PDE11A: variants seen among roughly 807,000 people sequenced by gnomAD.
PDE11A encodes the protein dual 3',5'-cyclic-AMP and -GMP phosphodiesterase 11A.
In PDE11A, 100 loss-of-function variants were observed where a neutral mutation model predicts 100.5. That is an observed-to-expected ratio of 1.00 (90% CI 0.85 to 1.18). The LOEUF is 1.18. Among genes scored for constraint, PDE11A ranks in the 50% most tolerant of loss-of-function variants. The pLI is 0.00. For missense variants in PDE11A, 1,141 were observed against 1,152.6 expected (o/e 0.99, Z 0.15); for synonymous variants, 381 against 420.8 (o/e 0.91, Z 1.16).
chr2:177,912,289 C>T (rs2084891670), intron 2 of PDE11A, among the ~76,000 whole-genome samples: 1 of 152,014 alleles, frequency 6.6e-6, no homozygotes, highest in African/African-American at 2.4e-5. Context: ...AAGCTGGGAC[C>T]CCAGGGAGGT....
chr2:177,704,205 T>C (rs552766487), intron 13 of PDE11A, among the ~76,000 whole-genome samples: 6 of 152,284 alleles, frequency 3.9e-5, no homozygotes, highest in African/African-American at 1.4e-4. Context: ...GTTCTGACCT[T>C]CAGGAAGCTC....
intron 2 of PDE11A, among the ~76,000 whole-genome samples, chr2:178,098,622 G>C (rs1014765360): frequency 1.3e-5 from 2 of 152,096 alleles, no homozygotes; most frequent in Non-Finnish European, 2.9e-5. Flanking sequence ...TATCAAAATT[G>C]TCAAAAAGAA....
intron 10 of PDE11A, among the ~76,000 whole-genome samples, chr2:177,767,689 T>C (rs2082258756): frequency 6.6e-6 from 1 of 152,110 alleles, no homozygotes; most frequent in South Asian, 2.1e-4. Flanking sequence ...TTATCACCGT[T>C]TTAAAATTTT....
chr2:177,677,489 G>T (rs2080794194), intron 16 of PDE11A, among the ~76,000 whole-genome samples: 1 of 152,144 alleles, frequency 6.6e-6, no homozygotes, highest in Admixed American at 6.6e-5. Context: ...GGGTAGAGTG[G>T]CTGCAACCTT....
intron 1 of PDE11A, among the ~76,000 whole-genome samples, chr2:178,021,368 T>G (rs1437951224): frequency 6.6e-6 from 1 of 152,156 alleles, no homozygotes; most frequent in Non-Finnish European, 1.5e-5. Flanking sequence ...AACTCAAAAC[T>G]TGATAAAATC....
rs773760147 is a variant in PDE11A at position 177,711,744 on chromosome 2, A to G, written c.2153+25T>C. On this transcript the variant is annotated intron_variant, in intron 13 of 19. Transcript: ENST00000286063. ...CTGAACAGAAAGGCAAATGCATTAAAATAACAACAGTTTAGAACACTTACT... is the reference window on the plus strand; with the variant it reads ...CTGAACAGAAAGGCAAATGCATTAAGATAACAACAGTTTAGAACACTTACT... The G allele has an allele frequency of 1.4e-5, 17 of 1,244,768 alleles. No homozygotes were observed. In the Admixed American group the frequency reaches 2.9e-4, roughly 21 times the overall value. 77.1% of individuals were successfully genotyped at this position (1,244,768 alleles called of 1,614,324 possible). A position where few individuals can be genotyped will look rare whatever the true frequency, so the allele number is the denominator to read the frequency against.
intron 7 of PDE11A, among the ~76,000 whole-genome samples, 192 bp downstream of exon 7, chr2:177,820,028 A>G (rs1207863057): frequency 6.6e-6 from 1 of 151,716 alleles, no homozygotes; most frequent in Non-Finnish European, 1.5e-5. Context: ...AATTTAATAC[A>G]TATTTGTTCA....
intron 19 of PDE11A, among the ~76,000 whole-genome samples, chr2:177,638,744 G>T (rs1018341303): frequency 6.6e-6 from 1 of 151,956 alleles, no homozygotes; most frequent in Non-Finnish European, 1.5e-5. Context: ...GGGCTAATTT[G>T]CTCCCACTAC....
chr2:178,046,486 C>T (rs6433710), intron 1 of PDE11A, among the ~76,000 whole-genome samples: 47,111 of 152,020 alleles, frequency 0.31, 7,383 homozygotes, highest in Non-Finnish European at 0.33. Flanking sequence ...CCATCAATGT[C>T]TCCTTTCTAC....
At chr2:178,086,564 C>T (rs1206836106) in intron 2 of PDE11A, among the ~76,000 whole-genome samples, 1 of 152,064 alleles carries the variant, frequency 6.6e-6, no homozygotes, top group Non-Finnish European at 1.5e-5. Context: ...ATTTATAGAG[C>T]CATGATTTTC....
intron 12 of PDE11A, among the ~76,000 whole-genome samples, chr2:177,725,325 A>G (rs945002138): frequency 1.3e-5 from 2 of 152,192 alleles, no homozygotes; most frequent in African/African-American, 4.8e-5. Context: ...AGAGAAACAA[A>G]TGTTGACACT....
intron 1 of PDE11A, among the ~76,000 whole-genome samples, chr2:178,021,187 C>G (rs2086407087): frequency 6.6e-6 from 1 of 152,066 alleles, no homozygotes; most frequent in Admixed American, 6.6e-5. Context: ...GTCTCGAACT[C>G]CTGACCTCAA....
At chr2:177,949,250 T>C (rs2085478215) in intron 2 of PDE11A, among the ~76,000 whole-genome samples, 1 of 151,272 alleles carries the variant, frequency 6.6e-6, no homozygotes, top group Non-Finnish European at 1.5e-5. Flanking sequence ...ATCACTTCTA[T>C]AAATACATCT....
At chr2:177,687,175 A>G (rs2080965015) in intron 15 of PDE11A, 1 of 152,228 alleles carries the variant, frequency 6.6e-6, no homozygotes, top group South Asian at 2.1e-4. Flanking sequence ...CGTAAAAGGT[A>G]TAAAAATTAC....
chr2:177,969,577 G>A (rs1198693800), intron 2 of PDE11A, among the ~76,000 whole-genome samples: 1 of 152,086 alleles, frequency 6.6e-6, no homozygotes, highest in Non-Finnish European at 1.5e-5. Context: ...TGTAATATAT[G>A]ATACTGAAAC....
chr2:177,650,138 G>A (rs1218695375), intron 19 of PDE11A, among the ~76,000 whole-genome samples: 1 of 152,032 alleles, frequency 6.6e-6, no homozygotes, highest in Non-Finnish European at 1.5e-5. Context: ...ACAAATAAAG[G>A]CTGACTACCT....
chr2:177,896,424 G>C (rs1438645471), intron 4 of PDE11A, among the ~76,000 whole-genome samples: 1 of 152,234 alleles, frequency 6.6e-6, no homozygotes, highest in Non-Finnish European at 1.5e-5. Flanking sequence ...TTACAAGTGA[G>C]CTAGCAAACA....
intron 15 of PDE11A, among the ~76,000 whole-genome samples, chr2:177,695,054 T>C (rs1284112613): frequency 2.0e-5 from 3 of 151,950 alleles, no homozygotes; most frequent in African/African-American, 7.2e-5. Context: ...TGAAAAAATG[T>C]TCTGTGATTC....
At position 177,680,898 on chromosome 2, in the gene PDE11A, C is replaced by A. The variant is rs1207352136; in HGVS notation, c.2351G>T (p.Arg784Ile). 3 of 1,552,564 alleles carry A rather than the reference C, an allele frequency of 1.9e-6. No individual in the cohort carries two copies. The highest frequency in any genetic ancestry group is 1.7e-5 in the Admixed American group (1 of 59,810). Residue 784 changes from arginine (R) to isoleucine (I), a missense_variant, in exon 16 of 20, where the codon AGA becomes ATA. Coordinates refer to ENST00000286063, the MANE Select transcript of PDE11A (RefSeq NM_016953.4). The stretch of plus-strand genomic sequence containing the variant: ...ACTGACAAGTTCAAAGAATTCAGTT[C>A]TCCTCCTGCAGGAAAATCAAATGAA... ...ATDLTLYFER[R>I]TEFFELVSKG...
Sources: gnomAD v4.1 joint callset for allele counts (sites outside exome capture counted in the v4.1 genomes callset) on GRCh38, gnomAD v4.1.1 for gene constraint, MANE v1.5 for transcripts, NCBI Gene and HGNC (gene_info 2026-07-23, HGNC 2026-07-21) for gene names.